The following SLC8A1 variants were observed in gnomAD, a reference collection of about 807,000 sequenced individuals.
The protein encoded by SLC8A1 is solute carrier family 8 member A1.
SLC8A1 carries 18 observed loss-of-function variants against 68.3 expected under a neutral mutation model. That is an observed-to-expected ratio of 0.26 (90% CI 0.18 to 0.39). SLC8A1 has a LOEUF of 0.39. SLC8A1 is among the 10% of genes least tolerant of loss of function. SLC8A1 has a pLI of 1.00. For synonymous variants in SLC8A1, 475 were observed against 415.5 expected, an observed-to-expected ratio of 1.14 and a Z score of -1.74; for missense variants, 985 against 1,156.7, an observed-to-expected ratio of 0.85 and a Z score of 2.15.
chr2:40,236,108 T>C (rs2060330729), intron 2 of SLC8A1, among the ~76,000 whole-genome samples: 1 of 152,162 alleles, frequency 6.6e-6, no homozygotes, highest in Non-Finnish European at 1.5e-5. Context: ...TGTAGATGTC[T>C]ATTAGGTCCG....
At chr2:40,339,742 TG>T (rs1250099738) in intron 2 of SLC8A1, among the ~76,000 whole-genome samples, 4 of 152,204 alleles carry the variant, frequency 2.6e-5, no homozygotes, top group Non-Finnish European at 4.4e-5. Flanking sequence ...GAGTATGAGT[TG>T]GGCATTGTGA....
intron 2 of SLC8A1, among the ~76,000 whole-genome samples, chr2:40,199,157 T>C (rs1212647015): frequency 6.6e-6 from 1 of 151,900 alleles, no homozygotes; most frequent in East Asian, 1.9e-4. Context: ...TCCATGTTTT[T>C]AGTTGTGGAA....
At chr2:40,261,597 C>T (rs1057292509) in intron 2 of SLC8A1, among the ~76,000 whole-genome samples, 1 of 152,094 alleles carries the variant, frequency 6.6e-6, no homozygotes, top group Non-Finnish European at 1.5e-5. Flanking sequence ...TCTGGTAGAT[C>T]CTAAAAATGA....
At chr2:40,487,082 C>T (rs952717961) in intron 1 of SLC8A1, among the ~76,000 whole-genome samples, 19 of 151,890 alleles carry the variant, frequency 1.3e-4, no homozygotes, top group African/African-American at 4.4e-4. Flanking sequence ...TGCATCGAAT[C>T]CCTTTTGAGC....
intron 1 of SLC8A1, among the ~76,000 whole-genome samples, chr2:40,486,958 G>A (rs543795809): frequency 3.1e-4 from 44 of 144,084 alleles, no homozygotes; most frequent in African/African-American, 8.6e-4. Flanking sequence ...ATCAAACACT[G>A]CATGGTCTCA....
chr2:40,299,029 CAA>C (rs1177272446), intron 2 of SLC8A1, among the ~76,000 whole-genome samples: 2 of 152,060 alleles, frequency 1.3e-5, no homozygotes, highest in African/African-American at 4.8e-5. Flanking sequence ...CTCGGCTATT[CAA>C]AGAGTAAGAA....
intron 1 of SLC8A1, among the ~76,000 whole-genome samples, chr2:40,503,118 G>A (rs1474359733): frequency 6.6e-6 from 1 of 151,972 alleles, no homozygotes; most frequent in African/African-American, 2.4e-5. Flanking sequence ...ACATGTTTCT[G>A]TAGGTATGAT....
intron 6 of SLC8A1, among the ~76,000 whole-genome samples, chr2:40,146,551 T>G (rs933432943): frequency 6.6e-6 from 1 of 152,136 alleles, no homozygotes; most frequent in African/African-American, 2.4e-5. Context: ...TTTCTATTAT[T>G]GTTATGTACT....
intron 2 of SLC8A1, among the ~76,000 whole-genome samples, chr2:40,353,071 T>A (rs900644622): frequency 6.6e-6 from 1 of 152,166 alleles, no homozygotes; most frequent in Non-Finnish European, 1.5e-5. Context: ...TGTGTTCAAC[T>A]TCTGACTTAC....
chr2:40,470,042 A>G (rs887754328), intron 1 of SLC8A1, among the ~76,000 whole-genome samples: 1 of 152,152 alleles, frequency 6.6e-6, no homozygotes, highest in African/African-American at 2.4e-5. Flanking sequence ...TGGTTTCCCT[A>G]AAGTTCAGTT....
At chr2:40,343,808 T>C (rs1042349208) in intron 2 of SLC8A1, among the ~76,000 whole-genome samples, 8 of 152,222 alleles carry the variant, frequency 5.3e-5, no homozygotes, top group East Asian at 1.9e-4. Context: ...ACTACTGTAC[T>C]TGTAATTTTG....
chr2:40,497,264 A>G (rs147045160), intron 1 of SLC8A1, among the ~76,000 whole-genome samples: 3 of 152,234 alleles, frequency 2.0e-5, no homozygotes, highest in African/African-American at 4.8e-5. Flanking sequence ...TTCTCATCCA[A>G]TGAGATTATT....
chr2:40,209,920 T>A (rs540768820), intron 2 of SLC8A1: 1 of 152,348 alleles, frequency 6.6e-6, no homozygotes, highest in African/African-American at 2.4e-5. Flanking sequence ...GATTGACTTA[T>A]GACATCATCA....
At chr2:40,442,073 T>C (rs1428983082) in intron 1 of SLC8A1, among the ~76,000 whole-genome samples, 3 of 135,658 alleles carry the variant, frequency 2.2e-5, no homozygotes, top group African/African-American at 8.0e-5. Context: ...GGGGGAGGGA[T>C]AGCATTAGGA....
chr2:40,153,279 A>G (rs1001230754), intron 6 of SLC8A1, among the ~76,000 whole-genome samples: 16 of 152,148 alleles, frequency 1.1e-4, no homozygotes, highest in African/African-American at 3.6e-4. Flanking sequence ...CCTAAAGACA[A>G]CTCACAAGGT....
At chr2:40,210,760 T>G (rs968466847) in intron 2 of SLC8A1, among the ~76,000 whole-genome samples, 2 of 152,216 alleles carry the variant, frequency 1.3e-5, no homozygotes, top group African/African-American at 4.8e-5. Context: ...TTCTGACCTT[T>G]AGATTCCCTA....
intron 7 of SLC8A1, among the ~76,000 whole-genome samples, chr2:40,134,629 T>G (rs2148240198): frequency 6.6e-6 from 1 of 152,300 alleles, no homozygotes; most frequent in Non-Finnish European, 1.5e-5. Context: ...TAAGCAACAC[T>G]AAAAATCATC....
chr2:40,361,348 G>T (rs1175003694), intron 2 of SLC8A1, among the ~76,000 whole-genome samples: 3 of 152,072 alleles, frequency 2.0e-5, no homozygotes, highest in South Asian at 2.1e-4. Flanking sequence ...TATGTAAGAG[G>T]GCTTATTGCT....
At chr2:40,384,430 A>T (rs1338231086) in intron 2 of SLC8A1, among the ~76,000 whole-genome samples, 4 of 152,114 alleles carry the variant, frequency 2.6e-5, no homozygotes. Flanking sequence ...AGAACCTTGC[A>T]TCATGAATCA....
Sources: gnomAD v4.1 joint callset for allele counts (sites outside exome capture counted in the v4.1 genomes callset) on GRCh38, gnomAD v4.1.1 for gene constraint, MANE v1.5 for transcripts, NCBI Gene and HGNC (gene_info 2026-07-23, HGNC 2026-07-21) for gene names.